Variants in SPTY2D1 observed in about 807,000 individuals in gnomAD.
The protein encoded by SPTY2D1 is protein SPT2 homolog.
Under a neutral mutation model 64.0 loss-of-function variants are expected in SPTY2D1, and 21 were observed. That is an observed-to-expected ratio of 0.33 (90% CI 0.23 to 0.47). The LOEUF (loss-of-function observed/expected upper bound fraction) is 0.47, where lower values mean the gene tolerates loss of function less well. Among genes scored for constraint, SPTY2D1 ranks in the 20% least tolerant of loss-of-function variants. The pLI is 1.00. For missense variants in SPTY2D1, 724 were observed against 837.2 expected (o/e 0.86, Z 1.67); for synonymous variants, 287 against 286.8 (o/e 1.00, Z -0.01).
intron 1 of SPTY2D1, among the ~76,000 whole-genome samples, chr11:18,622,509 A>T (rs1484117251): frequency 6.6e-6 from 1 of 152,018 alleles, no homozygotes; most frequent in Non-Finnish European, 1.5e-5. Context: ...CCTGGGTGAC[A>T]GAGCAAGACT....
intron 5 of SPTY2D1, among the ~76,000 whole-genome samples, chr11:18,610,679 A>AC (rs1439322827): frequency 1.3e-5 from 2 of 150,800 alleles, no homozygotes; most frequent in Non-Finnish European, 3.0e-5. Context: ...AAAAAAAAAA[A>AC]AAAAAAAAAC....
Position 18,614,661 on chromosome 11 carries a change from A to G in SPTY2D1, c.1613T>C (p.Val538Ala). The G allele has an allele frequency of 6.2e-7, 1 of 1,614,246 alleles. No individual in the cohort carries two copies. Among genetic ancestry groups the G allele is most frequent in the Non-Finnish European group, 8.5e-7 (1 of 1,180,040 alleles). ...ATTCTTGGAAGAAATTGTTTCGGAG[A>G]CAACAGTGCACTTAGGCTTTATAGT... ...GPTIKPKCTV[V>A]SETISSKNII... Residue 538 changes from valine (V) to alanine (A), a missense_variant, in exon 3 of 6, where the codon GTC (valine) becomes GCC (alanine). Around this residue, in one of 3 missense-constraint regions of SPTY2D1, gnomAD observed 426 missense variants for 431.8 expected, o/e 0.99. Transcript: ENST00000336349.
chr11:18,620,755 T>C (rs1357700184), intron 1 of SPTY2D1, among the ~76,000 whole-genome samples: 3 of 151,150 alleles, frequency 2.0e-5, no homozygotes, highest in African/African-American at 7.3e-5. Context: ...AGCGTGGTGG[T>C]GGGCACCTGT....
chr11:18,620,249 C>T (rs1854371972), intron 1 of SPTY2D1, among the ~76,000 whole-genome samples: 1 of 152,002 alleles, frequency 6.6e-6, no homozygotes, highest in African/African-American at 2.4e-5. Flanking sequence ...ACAAGGCGGG[C>T]AGATCACTTG....
chr11:18,628,058 A>C (rs1854527605), intron 1 of SPTY2D1, among the ~76,000 whole-genome samples: 2 of 152,136 alleles, frequency 1.3e-5, no homozygotes, highest in Non-Finnish European at 2.9e-5. Flanking sequence ...CAAAACAAAA[A>C]AAACCTGACT....
chr11:18,629,105 G>A (rs1370952476), intron 1 of SPTY2D1, among the ~76,000 whole-genome samples: 1 of 152,174 alleles, frequency 6.6e-6, no homozygotes. Context: ...TTGTGGCAGT[G>A]GAGGTCATAC....
In SPTY2D1 at chr11:18,626,096, G is replaced by A. The variant is rs369711196; in HGVS notation, c.60+8102C>T. Reference sequence around the variant, plus strand: ...GCTTCCCAAAGAGCTGGGATTACAGGCGTGAGCCACAATGCCTGGCTCCAC... The same window carrying A: ...GCTTCCCAAAGAGCTGGGATTACAGACGTGAGCCACAATGCCTGGCTCCAC... On this transcript the variant is annotated intron_variant, in intron 1 of 5. Transcript: ENST00000336349. 3.3e-5 allele frequency among the ~76,000 whole-genome samples: 5 copies of A among 152,046 alleles called. No homozygotes were observed. The East Asian group carries it at 9.7e-4, about 29-fold the overall frequency.
chr11:18,632,437 C>T (rs899457673), intron 1 of SPTY2D1, among the ~76,000 whole-genome samples: 4 of 152,048 alleles, frequency 2.6e-5, no homozygotes, highest in South Asian at 2.1e-4. Flanking sequence ...CTGCAATCTC[C>T]GCCTCCTGGG....
intron 5 of SPTY2D1, 44 bp downstream of exon 5, chr11:18,611,433 T>C (rs766470361): frequency 6.4e-7 from 1 of 1,570,522 alleles, no homozygotes; most frequent in East Asian, 2.2e-5. Flanking sequence ...CAGAAAGGAA[T>C]TTTTAGGACA....
At chr11:18,626,976 T>C (rs1854508495) in intron 1 of SPTY2D1, among the ~76,000 whole-genome samples, 1 of 152,152 alleles carries the variant, frequency 6.6e-6, no homozygotes. Flanking sequence ...GGAGAGTCTA[T>C]TTGGGGCTTC....
At position 18,607,459 on chromosome 11, in the gene SPTY2D1, A is replaced by G. The variant is rs937388761; in HGVS notation, c.*2402T>C. Reference sequence around the variant, plus strand: ...TGTAACATTATTACAATCATGAAATATTACTACATTCGTGATTAACATTAC... The same window carrying G: ...TGTAACATTATTACAATCATGAAATGTTACTACATTCGTGATTAACATTAC... On this transcript the variant is annotated 3_prime_UTR_variant, in exon 6 of 6. Coordinates refer to ENST00000336349, the MANE Select transcript of SPTY2D1 (RefSeq NM_194285.3). The G allele has an allele frequency of 6.6e-6, 1 of 152,644 alleles. No homozygotes were observed. The highest frequency in any genetic ancestry group is 2.4e-5 in the African/African-American group (1 of 41,436). 9.5% of individuals were successfully genotyped at this position (152,644 alleles called of 1,614,324 possible). A position where few individuals can be genotyped will look rare whatever the true frequency, so the allele number is the denominator to read the frequency against.
chr11:18,617,407 A>G (rs188783349), intron 1 of SPTY2D1, among the ~76,000 whole-genome samples: 14 of 152,004 alleles, frequency 9.2e-5, no homozygotes, highest in African/African-American at 2.7e-4. Flanking sequence ...CGGGCGAATC[A>G]TGAGATCTGG....
chr11:18,629,091 C>T (rs986013098), intron 1 of SPTY2D1, among the ~76,000 whole-genome samples: 1 of 152,182 alleles, frequency 6.6e-6, no homozygotes, highest in Non-Finnish European at 1.5e-5. Flanking sequence ...CTTTACCTTT[C>T]GGTTTGTGGC....
At chr11:18,622,104 A>AAAAAAAAAAAAAAAAAAAAAAAC in intron 1 of SPTY2D1, among the ~76,000 whole-genome samples, 1 of 141,332 alleles carries the variant, frequency 7.1e-6, no homozygotes, top group Non-Finnish European at 1.6e-5. Flanking sequence ...AAAAAAAAAA[A>AAAAAAAAAAAAAAAAAAAAAAAC]CCAAAACCAA....
rs1409817878 is a variant in SPTY2D1 at position 18,612,788 on chromosome 11, CAG to C, written c.1712-302_1712-301del. Among the ~76,000 whole-genome samples the C allele has an allele frequency of 6.8e-6, 1 of 147,738 alleles. No homozygotes were observed. Among genetic ancestry groups the C allele is most frequent in the African/African-American group, 2.5e-5 (1 of 39,742 alleles). On this transcript the variant is annotated intron_variant, in intron 3 of 5. Transcript: ENST00000336349. The surrounding 1 kb of genome is among the most constrained non-coding windows in gnomAD (Gnocchi z 4.6). ...TTCTTTCTTTTTTTTTTTTTTGAGA[CAG>C]AGTTTCACTTGTTGCCTAGGCTGGA...
Position 18,616,114 on chromosome 11 carries a change from C to G in SPTY2D1, c.176-16G>C, listed in dbSNP as rs1249448319. On this transcript the variant is annotated splice_polypyrimidine_tract_variant and intron_variant, in intron 2 of 5. Coordinates refer to ENST00000336349, the MANE Select transcript of SPTY2D1 (RefSeq NM_194285.3). ...TCCTCTAAGGCTAAAAGGGACAAAA[C>G]AAGAATATGTTATTACTTCGAGATC... The G allele has an allele frequency of 2.3e-5, 36 of 1,571,578 alleles. No individual in the cohort carries two copies. Among genetic ancestry groups the G allele is most frequent in the Non-Finnish European group, 3.1e-5 (36 of 1,160,000 alleles).
At chr11:18,610,121 G>T in intron 5 of SPTY2D1, 167 bp from the exon 6 acceptor site, 1 of 513,664 alleles carries the variant, frequency 1.9e-6, no homozygotes, top group Non-Finnish European at 3.4e-6. Flanking sequence ...TTTTTTACCA[G>T]GGGCCACAGA....
At chr11:18,613,352 C>A (rs1854237420) in intron 3 of SPTY2D1, among the ~76,000 whole-genome samples, 1 of 152,254 alleles carries the variant, frequency 6.6e-6, no homozygotes, top group Admixed American at 6.5e-5. Context: ...GATCTGGGAA[C>A]AACTACTTTC....
At chr11:18,609,979 T>G in intron 5 of SPTY2D1, 25 bp from the exon 6 acceptor site, 1 of 1,597,986 alleles carries the variant, frequency 6.3e-7, no homozygotes, top group Non-Finnish European at 8.6e-7. Flanking sequence ...TTAAAGGGTA[T>G]TTGTCAATAT....
Sources: allele counts gnomAD v4.1 joint callset (sites outside exome capture counted in the v4.1 genomes callset), GRCh38; gene constraint gnomAD v4.1.1; regional missense constraint gnomAD v4.1.1; non-coding constraint Gnocchi (gnomAD v3.1); transcripts MANE v1.5; gene names NCBI Gene and HGNC (gene_info 2026-07-23, HGNC 2026-07-21).